Variants in MTCL2 observed in about 807,000 individuals in gnomAD.
MTCL2 encodes microtubule crosslinking factor 2.
the MTCL2 span, among the ~76,000 whole-genome samples, chr20:36,855,902 C>G: frequency 6.6e-6 from 1 of 152,080 alleles, no homozygotes; most frequent in Non-Finnish European, 1.5e-5. Flanking sequence ...GCCCCTAGAC[C>G]ACACAGCCTG....
chr20:36,810,401 T>C, the MTCL2 span, among the ~76,000 whole-genome samples: 4 of 152,234 alleles, frequency 2.6e-5, no homozygotes, highest in African/African-American at 2.4e-5. Flanking sequence ...AAGATGTTCA[T>C]TGTTTCATTG....
At chr20:36,836,044 C>A in the MTCL2 span, among the ~76,000 whole-genome samples, 3 of 151,714 alleles carry the variant, frequency 2.0e-5, no homozygotes, top group African/African-American at 7.3e-5. Flanking sequence ...ATTCCCTCCC[C>A]CTCCCCATCT....
chr20:36,815,885 G>A, the MTCL2 span: 10 of 1,609,726 alleles, frequency 6.2e-6, no homozygotes, highest in South Asian at 1.1e-5. The surrounding 1 kb of genome is among the most constrained non-coding windows in gnomAD (Gnocchi z 5.3). Context: ...CCTCCTCTTC[G>A]ACAAACTGCA....
chr20:36,810,271 G>A, the MTCL2 span, among the ~76,000 whole-genome samples: 6 of 152,186 alleles, frequency 3.9e-5, no homozygotes, highest in African/African-American at 9.7e-5. Flanking sequence ...TCTGAGGGTC[G>A]TCATGATGAT....
At chr20:36,843,047 G>A in the MTCL2 span, among the ~76,000 whole-genome samples, 1 of 152,202 alleles carries the variant, frequency 6.6e-6, no homozygotes, top group African/African-American at 2.4e-5. Flanking sequence ...ACTGGGAGGA[G>A]GGAGTGTCCA....
At chr20:36,851,765 G>A in the MTCL2 span, among the ~76,000 whole-genome samples, 1 of 152,192 alleles carries the variant, frequency 6.6e-6, no homozygotes, top group Non-Finnish European at 1.5e-5. Context: ...TCTACCACCA[G>A]GATGTGATGT....
chr20:36,815,174 C>T, the MTCL2 span: 5 of 1,612,722 alleles, frequency 3.1e-6, no homozygotes, highest in Admixed American at 5.0e-5. This position sits in a 1 kb window ranked among gnomAD's most constrained non-coding sequence, Gnocchi z 5.3. Flanking sequence ...CCTTAGAGAG[C>T]CCCTGGGAGC....
chr20:36,806,355 T>C, the MTCL2 span, among the ~76,000 whole-genome samples: 3 of 151,922 alleles, frequency 2.0e-5, no homozygotes, highest in African/African-American at 7.3e-5. Flanking sequence ...AGGGAGCGAG[T>C]CACCTTCTGT....
chr20:36,806,356 C>G, the MTCL2 span, among the ~76,000 whole-genome samples: 2 of 152,142 alleles, frequency 1.3e-5, no homozygotes, highest in East Asian at 3.9e-4. Context: ...GGGAGCGAGT[C>G]ACCTTCTGTG....
At chr20:36,805,975 T>C in the MTCL2 span, 2 of 1,592,728 alleles carry the variant, frequency 1.3e-6, no homozygotes, top group Non-Finnish European at 1.7e-6. Flanking sequence ...TTAAAAACCA[T>C]GCTTAACAGC....
the MTCL2 span, among the ~76,000 whole-genome samples, chr20:36,842,048 C>T: frequency 2.0e-5 from 3 of 152,064 alleles, no homozygotes; most frequent in South Asian, 6.2e-4. Context: ...GGGTTTTAAG[C>T]AGAGAGGGTA....
chr20:36,827,934 C>T, the MTCL2 span, among the ~76,000 whole-genome samples: 1 of 152,204 alleles, frequency 6.6e-6, no homozygotes, highest in Non-Finnish European at 1.5e-5. Context: ...GCTAGCCACC[C>T]TTAGCAGCAA....
At chr20:36,826,664 C>T in the MTCL2 span, among the ~76,000 whole-genome samples, 1 of 151,914 alleles carries the variant, frequency 6.6e-6, no homozygotes, top group African/African-American at 2.4e-5. Context: ...AAGCATGAGC[C>T]ACCACACCCA....
chr20:36,784,132 G>T, the MTCL2 span: 1 of 985,696 alleles, frequency 1.0e-6, no homozygotes, highest in Middle Eastern at 5.2e-4. Context: ...CAGCCTCCCT[G>T]GCTGTCGCTC....
At chr20:36,844,409 T>A in the MTCL2 span, among the ~76,000 whole-genome samples, 10 of 149,252 alleles carry the variant, frequency 6.7e-5, no homozygotes, top group African/African-American at 1.5e-4. Flanking sequence ...AAAATAATAA[T>A]AATAATAATA....
the MTCL2 span, chr20:36,817,563 T>G: frequency 1.6e-6 from 2 of 1,283,264 alleles, no homozygotes; most frequent in Non-Finnish European, 2.1e-6. Flanking sequence ...GTGCCCAGGG[T>G]CCAGGGAGGG....
At chr20:36,788,738 A>G in the MTCL2 span, among the ~76,000 whole-genome samples, 1 of 152,092 alleles carries the variant, frequency 6.6e-6, no homozygotes, top group Non-Finnish European at 1.5e-5. Flanking sequence ...TGACCTTGGG[A>G]GATTTACTTA....
the MTCL2 span, among the ~76,000 whole-genome samples, chr20:36,841,155 C>CAAAAAAA: frequency 6.2e-4 from 25 of 40,352 alleles, 4 homozygotes; most frequent in South Asian, 1.8e-3. Flanking sequence ...ACTAAAAATA[C>CAAAAAAA]AAAAAAAAAA....
At chr20:36,846,650 G>A in the MTCL2 span, among the ~76,000 whole-genome samples, 1 of 152,118 alleles carries the variant, frequency 6.6e-6, no homozygotes, top group Non-Finnish European at 1.5e-5. Flanking sequence ...CCAGCCCCTG[G>A]TCTCCTCCCT....
Sources: allele counts gnomAD v4.1 joint callset (sites outside exome capture counted in the v4.1 genomes callset), GRCh38; gene constraint gnomAD v4.1.1; non-coding constraint Gnocchi (gnomAD v3.1); transcripts MANE v1.5; gene names NCBI Gene and HGNC (gene_info 2026-07-23, HGNC 2026-07-21).